NELL2: variants seen among roughly 807,000 people sequenced by gnomAD.
NELL2 encodes protein kinase C-binding protein NELL2.
Under a neutral mutation model 109.6 loss-of-function variants are expected in NELL2, and 41 were observed. The observed-to-expected ratio is 0.37, with a 90% confidence interval of 0.29 to 0.49. The LOEUF (loss-of-function observed/expected upper bound fraction) is 0.49, where lower values mean the gene tolerates loss of function less well. Ranked by LOEUF, NELL2 falls within the 20% of genes least tolerant of loss-of-function variation. The pLI is 0.98. For synonymous variants in NELL2, 355 were observed against 344.7 expected, an observed-to-expected ratio of 1.03 and a Z score of -0.33; for missense variants, 900 against 1,008.3, an observed-to-expected ratio of 0.89 and a Z score of 1.45.
chr12:44,667,910 A>G (rs1191502919), intron 12 of NELL2, among the ~76,000 whole-genome samples: 1 of 152,164 alleles, frequency 6.6e-6, no homozygotes, highest in African/African-American at 2.4e-5. Context: ...TGAGCCTAGC[A>G]TAGGAAACTG....
chr12:44,657,616 C>T (rs1019079363), intron 13 of NELL2, among the ~76,000 whole-genome samples: 11 of 152,174 alleles, frequency 7.2e-5, no homozygotes, highest in Admixed American at 3.3e-4. Context: ...TCTCCTAATG[C>T]TATCCCTCCC....
At chr12:44,910,656 A>C (rs1291697965) in intron 1 of NELL2, among the ~76,000 whole-genome samples, 1 of 151,998 alleles carries the variant, frequency 6.6e-6, no homozygotes, top group East Asian at 1.9e-4. Flanking sequence ...ATACATGTAC[A>C]TGTATGTTCA....
intron 15 of NELL2, among the ~76,000 whole-genome samples, chr12:44,556,040 A>G (rs1411828884): frequency 6.6e-6 from 1 of 152,208 alleles, no homozygotes; most frequent in Admixed American, 6.6e-5. Context: ...TTGATAACTT[A>G]CCAAAGTAAG....
chr12:44,844,288 T>C (rs540602014), intron 2 of NELL2, among the ~76,000 whole-genome samples: 11 of 152,318 alleles, frequency 7.2e-5, no homozygotes, highest in African/African-American at 2.4e-4. Flanking sequence ...GAAACACTTA[T>C]ATGTCTATCA....
intron 12 of NELL2, among the ~76,000 whole-genome samples, chr12:44,674,622 G>A (rs1269807633): frequency 6.6e-6 from 1 of 152,128 alleles, no homozygotes. Context: ...CAACAAATAC[G>A]AGGACAGCAC....
At chr12:44,628,748 C>T (rs1646339963) in intron 13 of NELL2, among the ~76,000 whole-genome samples, 1 of 152,134 alleles carries the variant, frequency 6.6e-6, no homozygotes, top group Non-Finnish European at 1.5e-5. Context: ...CTGCTCGCCC[C>T]ACCCGCCAGA....
chr12:44,902,105 C>T (rs547817045), intron 1 of NELL2, among the ~76,000 whole-genome samples: 5 of 152,286 alleles, frequency 3.3e-5, no homozygotes, highest in Admixed American at 3.3e-4. Context: ...GACAGGAAGT[C>T]AAATTGTCTC....
At chr12:44,782,289 C>T (rs1374655065) in intron 3 of NELL2, among the ~76,000 whole-genome samples, 2 of 151,178 alleles carry the variant, frequency 1.3e-5, no homozygotes, top group Non-Finnish European at 3.0e-5. Flanking sequence ...CATAAACATA[C>T]AGATAAAATG....
chr12:44,878,081 A>G (rs1945368646), upstream of NELL2, among the ~76,000 whole-genome samples: 1 of 152,228 alleles, frequency 6.6e-6, no homozygotes, highest in Admixed American at 6.5e-5. Flanking sequence ...ACATATGCAC[A>G]TATATATTTC....
At chr12:44,649,709 C>A (rs1168135595) in intron 13 of NELL2, among the ~76,000 whole-genome samples, 1 of 152,204 alleles carries the variant, frequency 6.6e-6, no homozygotes, top group Non-Finnish European at 1.5e-5. Context: ...TCTCTTTAAG[C>A]TTAAGACAGC....
At chr12:44,773,779 G>A (rs1262653986) in intron 9 of NELL2, among the ~76,000 whole-genome samples, 1 of 152,150 alleles carries the variant, frequency 6.6e-6, no homozygotes, top group African/African-American at 2.4e-5. Context: ...TCAATGTAAA[G>A]CCTAATAGAA....
At chr12:44,667,671 C>G (rs886637225) in intron 12 of NELL2, among the ~76,000 whole-genome samples, 3 of 152,148 alleles carry the variant, frequency 2.0e-5, no homozygotes. Flanking sequence ...AGCCACATGT[C>G]AAATTGAGTT....
At chr12:44,679,100 C>G (rs950863857) in intron 12 of NELL2, among the ~76,000 whole-genome samples, 4 of 152,044 alleles carry the variant, frequency 2.6e-5, no homozygotes, top group Admixed American at 6.6e-5. Context: ...ATAGATGAAG[C>G]AAATTTCCTC....
intron 2 of NELL2, among the ~76,000 whole-genome samples, chr12:44,867,697 C>T (rs1428708613): frequency 1.3e-5 from 2 of 152,166 alleles, no homozygotes; most frequent in African/African-American, 4.8e-5. Flanking sequence ...TCCCTGCTTG[C>T]ATTTGACATC....
chr12:44,517,371 TTCTCTCTCTCTCTCTCTCTC>T (rs71093810), intron 19 of NELL2, among the ~76,000 whole-genome samples: 1,709 of 102,516 alleles, frequency 0.017, 22 homozygotes, highest in Middle Eastern at 0.05. Context: ...ACCAACTACT[TTCTCTCTCTCTCTCTCTCTC>T]TCTCTCTCTC....
intron 3 of NELL2, among the ~76,000 whole-genome samples, chr12:44,799,055 T>A (rs1312272265): frequency 6.8e-6 from 1 of 147,952 alleles, no homozygotes; most frequent in East Asian, 2.0e-4. Flanking sequence ...GCCTCCCGGG[T>A]TCAAGTGATT....
At chr12:44,875,559 G>A in intron 1 of NELL2, 1 of 1,613,680 alleles carries the variant, frequency 6.2e-7, no homozygotes, top group Non-Finnish European at 8.5e-7. Context: ...CCGTTTCCAT[G>A]ACCTCCTTTA....
rs188567326 is a variant in NELL2, at chr12:44,869,541, T to C, written c.184+5684A>G. 6.5e-4 allele frequency among the ~76,000 whole-genome samples: 99 copies of C among 152,254 alleles called. 1 individual carries two copies. Among genetic ancestry groups the C allele is most frequent in the African/African-American group, 2.3e-3 (95 of 41,558 alleles). ...ACCAGCAGCAATTTTACTGCCATAA[T>C]ATTCTTAAGAACCTTGTAGATCTCC... On this transcript the variant is annotated intron_variant, in intron 2 of 19. Coordinates refer to ENST00000429094, the MANE Select transcript of NELL2 (RefSeq NM_001145108.2).
chr12:44,891,850 T>C (rs564856952), intron 1 of NELL2, among the ~76,000 whole-genome samples: 1 of 152,252 alleles, frequency 6.6e-6, no homozygotes, highest in African/African-American at 2.4e-5. Context: ...GGGTAGAATA[T>C]GGTTCCATCC....
Sources: gnomAD v4.1 joint callset for allele counts (sites outside exome capture counted in the v4.1 genomes callset) on GRCh38, gnomAD v4.1.1 for gene constraint, MANE v1.5 for transcripts, NCBI Gene and HGNC (gene_info 2026-07-23, HGNC 2026-07-21) for gene names.